Variants in PLEKHG7 observed in about 807,000 individuals in gnomAD.
PLEKHG7 encodes pleckstrin homology and RhoGEF domain containing G7, also known as pleckstrin homology domain-containing family G member 7.
A neutral mutation model predicts 85.2 loss-of-function variants in PLEKHG7; 77 were observed. The ratio of observed to expected loss-of-function variants is 0.90; its 90% confidence interval spans 0.75 to 1.09. PLEKHG7 has a LOEUF of 1.09. Among genes scored for constraint, PLEKHG7 ranks in the 50% least tolerant of loss-of-function variants. PLEKHG7 has a pLI of 0.00. For missense variants in PLEKHG7, 777 were observed against 804.3 expected, an observed-to-expected ratio of 0.97 and a Z score of 0.41; for synonymous variants, 301 against 302.4, an observed-to-expected ratio of 1.00 and a Z score of 0.05.
chr12:92,766,527 T>A (rs892418752), intron 15 of PLEKHG7, among the ~76,000 whole-genome samples: 3 of 152,036 alleles, frequency 2.0e-5, no homozygotes, highest in Non-Finnish European at 4.4e-5. Context: ...TTTTTTTTTT[T>A]AATTAAAAGA....
intron 13 of PLEKHG7, among the ~76,000 whole-genome samples, chr12:92,757,325 T>C (rs1592687287): frequency 6.6e-6 from 1 of 152,178 alleles, no homozygotes; most frequent in East Asian, 1.9e-4. Flanking sequence ...GAAATAAGGT[T>C]TTAAATCATT....
intron 10 of PLEKHG7, 86 bp downstream of exon 10, chr12:92,745,677 A>T (rs1207901144): frequency 5.7e-6 from 5 of 872,242 alleles, no homozygotes. Context: ...TCTAAATTAA[A>T]TGGGAAAGAA....
chr12:92,734,936 G>A (rs1872095301), intron 5 of PLEKHG7, among the ~76,000 whole-genome samples: 1 of 152,074 alleles, frequency 6.6e-6, no homozygotes. Flanking sequence ...CCTAACCACT[G>A]CCACCACAAT....
chr12:92,711,255 TG>T (rs1352032357), intron 3 of PLEKHG7, among the ~76,000 whole-genome samples: 1 of 152,216 alleles, frequency 6.6e-6, no homozygotes, highest in African/African-American at 2.4e-5. Context: ...CTGCATATTG[TG>T]CAGAATAATC....
rs1231991686 is a variant in PLEKHG7 at position 92,732,901 on chromosome 12, T to C, written c.699+628T>C. 1.4e-4 allele frequency among the ~76,000 whole-genome samples: 21 copies of C among 152,144 alleles called. 1 individual carries two copies. The highest frequency in any genetic ancestry group is 1.3e-3 in the Admixed American group (20 of 15,268). On this transcript the variant is annotated intron_variant, in intron 5 of 16. Coordinates refer to ENST00000344636, the MANE Select transcript of PLEKHG7 (RefSeq NM_001377329.1). ...TGATGACAACCTGACTCCTGTTTTC[T>C]AGGGGGAGAAAAGGGACTGATTTGT...
rs982223735 is a variant in PLEKHG7 at position 92,707,424 on chromosome 12, C to T, written c.508-226C>T. ...GCTTACCGATGGTCTGTCAGGTACCCGAGAGCAATGGGGGCCCTCTTGCAA... is the reference window on the plus strand; with the variant it reads ...GCTTACCGATGGTCTGTCAGGTACCTGAGAGCAATGGGGGCCCTCTTGCAA... On this transcript the variant is annotated intron_variant, in intron 2 of 16. Transcript: ENST00000344636. 1.7e-4 allele frequency: 239 copies of T among 1,430,934 alleles called. 3 individuals carry two copies. In the South Asian group the frequency reaches 3.4e-3, roughly 20 times the overall value. The allele number at this position is 1,430,934 out of a possible 1,614,324, so 88.6% of individuals were successfully genotyped here. A position where few individuals can be genotyped will look rare whatever the true frequency, so the allele number is the denominator to read the frequency against.
At chr12:92,748,142 T>C (rs947903411) in intron 10 of PLEKHG7, among the ~76,000 whole-genome samples, 2 of 152,222 alleles carry the variant, frequency 1.3e-5, no homozygotes, top group African/African-American at 2.4e-5. Flanking sequence ...CAAAATATCA[T>C]GTGTGCCCCA....
At chr12:92,757,036 G>A (rs1256991849) in intron 13 of PLEKHG7, among the ~76,000 whole-genome samples, 1 of 152,196 alleles carries the variant, frequency 6.6e-6, no homozygotes, top group Non-Finnish European at 1.5e-5. Flanking sequence ...AAATAGCACA[G>A]CTGGAGAAGT....
chr12:92,724,419 A>G (rs1221333781), intron 3 of PLEKHG7, among the ~76,000 whole-genome samples: 2 of 152,234 alleles, frequency 1.3e-5, no homozygotes, highest in Non-Finnish European at 2.9e-5. Flanking sequence ...ATCAAATCAT[A>G]AAGTAGAGAA....
At chr12:92,757,881 G>A (rs1872878311) in intron 13 of PLEKHG7, among the ~76,000 whole-genome samples, 1 of 152,152 alleles carries the variant, frequency 6.6e-6, no homozygotes. Flanking sequence ...TGAAGAAAGC[G>A]TTGTTAATAA....
intron 9 of PLEKHG7, among the ~76,000 whole-genome samples, chr12:92,744,715 G>C (rs1014032615): frequency 3.3e-5 from 5 of 151,174 alleles, no homozygotes; most frequent in African/African-American, 1.2e-4. Context: ...ACTCAGGCTG[G>C]AGTGCAATGG....
intron 14 of PLEKHG7, among the ~76,000 whole-genome samples, chr12:92,763,641 C>G (rs1310663722): frequency 6.6e-6 from 1 of 151,954 alleles, no homozygotes; most frequent in Admixed American, 6.6e-5. Context: ...ATAGTGAGAT[C>G]CCATCTCTAC....
intron 10 of PLEKHG7, among the ~76,000 whole-genome samples, chr12:92,752,234 G>A (rs1316164110): frequency 6.6e-6 from 1 of 152,100 alleles, no homozygotes; most frequent in Non-Finnish European, 1.5e-5. Flanking sequence ...AGGGTCTCAT[G>A]GGCTGTGTAT....
intron 10 of PLEKHG7, among the ~76,000 whole-genome samples, chr12:92,750,347 CT>C (rs1288028549): frequency 3.3e-5 from 5 of 152,148 alleles, no homozygotes; most frequent in African/African-American, 1.2e-4. Context: ...AAACTTACAG[CT>C]TTACTTTTAT....
rs1488141898 is a variant in PLEKHG7, at chr12:92,755,949, A to G, written c.1542+9A>G. 6.3e-7 allele frequency: 1 copy of G among 1,576,550 alleles called. No homozygotes were observed. The highest frequency in any genetic ancestry group is 8.7e-7 in the Non-Finnish European group (1 of 1,154,988). On this transcript the variant is annotated intron_variant, in intron 12 of 16. Coordinates refer to ENST00000344636, the MANE Select transcript of PLEKHG7 (RefSeq NM_001377329.1). ...GGTTTTTCATTCCAGAGGTACAAAA[A>G]AAAAATCAATTAGGACTTATGTCCA...
At position 92,764,165 on chromosome 12, in the gene PLEKHG7, T is replaced by C. The variant is rs1406402022; in HGVS notation, c.1841T>C (p.Val614Ala). ...CCTATTCCACTAGATAGATTGGTAG[T>C]CAAAAGTATTGAACCACTCCATGTG... ...DQPIPLDRLVVKSIEPLHVSV... is the reference protein window; with the variant it reads ...DQPIPLDRLVAKSIEPLHVSV... Residue 614 changes from valine to alanine, a missense_variant, in exon 15 of 17, where the codon GTC becomes GCC. By Grantham distance (64) the Val-to-Ala change is moderately conservative (BLOSUM62 0). This residue lies in a region of PLEKHG7 where 520 missense variants were observed against 544.0 expected (regional missense o/e 0.96). Transcript: ENST00000344636. 2 of 1,607,446 alleles carry C rather than the reference T, an allele frequency of 1.2e-6. No homozygotes were observed. The highest frequency in any genetic ancestry group is 2.7e-5 in the African/African-American group (2 of 74,794).
At chr12:92,751,770 C>T (rs1167087996) in intron 10 of PLEKHG7, among the ~76,000 whole-genome samples, 1 of 152,078 alleles carries the variant, frequency 6.6e-6, no homozygotes, top group Non-Finnish European at 1.5e-5. Context: ...CACCTGTAAT[C>T]CCAGCACTTT....
chr12:92,763,115 T>A (rs979492179), intron 14 of PLEKHG7, among the ~76,000 whole-genome samples: 1 of 152,202 alleles, frequency 6.6e-6, no homozygotes, highest in African/African-American at 2.4e-5. Context: ...CCCATGTTGA[T>A]AATATAATAA....
intron 1 of PLEKHG7, among the ~76,000 whole-genome samples, chr12:92,705,936 C>A (rs10859364): frequency 0.058 from 8,762 of 152,194 alleles, 835 homozygotes; most frequent in African/African-American, 0.2. Flanking sequence ...CCTGCAAGTC[C>A]TTTTTCCAAA....
Sources: gnomAD v4.1 joint callset for allele counts (sites outside exome capture counted in the v4.1 genomes callset) on GRCh38, gnomAD v4.1.1 for gene constraint, gnomAD v4.1.1 regional missense constraint, MANE v1.5 for transcripts, NCBI Gene and HGNC (gene_info 2026-07-23, HGNC 2026-07-21) for gene names.